TSHZ2: variants seen among roughly 807,000 people sequenced by gnomAD.
TSHZ2 encodes teashirt homolog 2.
In TSHZ2, 21 loss-of-function variants were observed where a neutral mutation model predicts 74.4. The ratio of observed to expected loss-of-function variants is 0.28; its 90% CI spans 0.20 to 0.41. TSHZ2 has a LOEUF of 0.41. Among genes scored for constraint, TSHZ2 ranks in the 10% least tolerant of loss-of-function variants. The pLI, the probability that TSHZ2 is intolerant of heterozygous loss-of-function variation, is 1.00. For synonymous variants in TSHZ2, 540 were observed against 515.3 expected (o/e 1.05, Z -0.65); for missense variants, 1,244 against 1,293.5 (o/e 0.96, Z 0.59).
Position 53,063,509 on chromosome 20 carries a change from T to G in TSHZ2, c.40+90176T>G, listed in dbSNP as rs2123172913. 1.3e-5 allele frequency among the ~76,000 whole-genome samples: 2 copies of G among 152,304 alleles called. 1 individual carries two copies. On this transcript the variant is annotated intron_variant, in intron 1 of 2. Transcript: ENST00000371497. ...GGTAGATTTCAGACTGTAAATAAAC[T>G]TACTACTTTCACACTCATCCCCTGC...
chr20:53,095,797 C>A (rs1986022634), intron 1 of TSHZ2, among the ~76,000 whole-genome samples: 1 of 152,068 alleles, frequency 6.6e-6, no homozygotes, highest in Admixed American at 6.5e-5. Context: ...CCAAAAATGT[C>A]CTCTGGGAGC....
chr20:53,005,106 G>T (rs1982591695), intron 1 of TSHZ2, among the ~76,000 whole-genome samples: 1 of 152,172 alleles, frequency 6.6e-6, no homozygotes, highest in South Asian at 2.1e-4. Context: ...GAGGTCAGGA[G>T]TTCGAGACCA....
intron 2 of TSHZ2, among the ~76,000 whole-genome samples, chr20:53,266,357 G>A (rs931129038): frequency 2.6e-5 from 4 of 152,140 alleles, no homozygotes; most frequent in Admixed American, 6.5e-5. Context: ...TCTGCCCCAC[G>A]CCCAGAAATT....
intron 2 of TSHZ2, among the ~76,000 whole-genome samples, chr20:53,464,977 T>G (rs904746381): frequency 1.3e-5 from 2 of 152,212 alleles, no homozygotes; most frequent in Admixed American, 1.3e-4. Flanking sequence ...ACATGGATAC[T>G]TGAACTTTTA....
At chr20:53,200,325 C>A (rs1300351938) in intron 1 of TSHZ2, among the ~76,000 whole-genome samples, 1 of 152,128 alleles carries the variant, frequency 6.6e-6, no homozygotes, top group East Asian at 1.9e-4. Context: ...AGTGCAAGGG[C>A]CCTGAGGTGA....
intron 2 of TSHZ2, among the ~76,000 whole-genome samples, chr20:53,471,679 T>C (rs1985805321): frequency 6.6e-6 from 1 of 151,964 alleles, no homozygotes; most frequent in Admixed American, 6.6e-5. Flanking sequence ...CTGAGGCCAG[T>C]GTTCTTGGTA....
intron 1 of TSHZ2, among the ~76,000 whole-genome samples, chr20:53,158,293 AGAGTAATGG>A (rs1414401812): frequency 6.6e-6 from 1 of 152,164 alleles, no homozygotes; most frequent in African/African-American, 2.4e-5. Flanking sequence ...TTTCACTGGA[AGAGTAATGG>A]ATGAGGCTAG....
chr20:53,195,331 A>G (rs1374604010), intron 1 of TSHZ2, among the ~76,000 whole-genome samples: 1 of 152,154 alleles, frequency 6.6e-6, no homozygotes, highest in Non-Finnish European at 1.5e-5. Context: ...CAGAGTCTGC[A>G]TTTGGTTGAA....
intron 2 of TSHZ2, among the ~76,000 whole-genome samples, chr20:53,287,370 G>T (rs949089185): frequency 6.6e-6 from 1 of 152,148 alleles, no homozygotes; most frequent in African/African-American, 2.4e-5. Flanking sequence ...CATCTCCAGG[G>T]TCTGGTCCAC....
intron 1 of TSHZ2, among the ~76,000 whole-genome samples, chr20:53,027,033 T>C (rs1319215345): frequency 6.6e-6 from 1 of 152,108 alleles, no homozygotes; most frequent in African/African-American, 2.4e-5. Context: ...TTTCATTAAA[T>C]AGTACTCTAA....
intron 1 of TSHZ2, among the ~76,000 whole-genome samples, chr20:53,250,894 G>T (rs1990311527): frequency 1.0e-5 from 1 of 100,458 alleles, no homozygotes; most frequent in Non-Finnish European, 1.9e-5. Context: ...TATACTGGGT[G>T]GGCAGATTGT....
chr20:53,312,528 G>A (rs981779513), intron 2 of TSHZ2, among the ~76,000 whole-genome samples: 2 of 152,154 alleles, frequency 1.3e-5, no homozygotes, highest in African/African-American at 4.8e-5. Flanking sequence ...ATGAGAAGAG[G>A]AGACAATAGA....
intron 2 of TSHZ2, among the ~76,000 whole-genome samples, chr20:53,469,165 G>C (rs926812080): frequency 7.4e-5 from 11 of 147,668 alleles, no homozygotes; most frequent in African/African-American, 2.7e-4. Flanking sequence ...TCTAAACCTA[G>C]AGAGGTTTTT....
At chr20:53,156,886 A>C (rs957500744) in intron 1 of TSHZ2, among the ~76,000 whole-genome samples, 1 of 152,194 alleles carries the variant, frequency 6.6e-6, no homozygotes, top group African/African-American at 2.4e-5. Context: ...AAATGACCTG[A>C]GTGTCATCTC....
At chr20:53,072,252 T>C (rs1985199591) in intron 1 of TSHZ2, among the ~76,000 whole-genome samples, 1 of 152,200 alleles carries the variant, frequency 6.6e-6, no homozygotes, top group Non-Finnish European at 1.5e-5. Flanking sequence ...ATTAAGGACT[T>C]TTTTTAAAGG....
At chr20:53,176,425 C>T (rs1015225406) in intron 1 of TSHZ2, among the ~76,000 whole-genome samples, 1 of 152,074 alleles carries the variant, frequency 6.6e-6, no homozygotes, top group South Asian at 2.1e-4. Flanking sequence ...AGGGAGCCAG[C>T]GGGTAGGTTT....
At chr20:53,041,241 G>A (rs1984031072) in intron 1 of TSHZ2, among the ~76,000 whole-genome samples, 1 of 152,226 alleles carries the variant, frequency 6.6e-6, no homozygotes, top group African/African-American at 2.4e-5. Context: ...GGACATAAGG[G>A]CTCAAATGAC....
chr20:53,298,630 G>A (rs1991425764), intron 2 of TSHZ2, among the ~76,000 whole-genome samples: 1 of 152,202 alleles, frequency 6.6e-6, no homozygotes, highest in Non-Finnish European at 1.5e-5. Flanking sequence ...AAGCCAGGGT[G>A]CAGGGGATCT....
chr20:53,451,095 T>A (rs1600650241), intron 2 of TSHZ2, among the ~76,000 whole-genome samples: 1 of 152,216 alleles, frequency 6.6e-6, no homozygotes, highest in African/African-American at 2.4e-5. Flanking sequence ...ATATTGTTGA[T>A]GTTGCTCATG....
Sources: gnomAD v4.1 joint callset for allele counts (sites outside exome capture counted in the v4.1 genomes callset) on GRCh38, gnomAD v4.1.1 for gene constraint, MANE v1.5 for transcripts, NCBI Gene and HGNC (gene_info 2026-07-23, HGNC 2026-07-21) for gene names.